TGFBRAP1: variants seen among roughly 807,000 people sequenced by gnomAD.
The protein encoded by TGFBRAP1 is transforming growth factor-beta receptor-associated protein 1.
Under a neutral mutation model 83.2 loss-of-function variants are expected in TGFBRAP1, and 20 were observed. The observed-to-expected ratio is 0.24, with a 90% CI of 0.17 to 0.35. The LOEUF is 0.35. Ranked by LOEUF, TGFBRAP1 falls within the 10% of genes least tolerant of loss-of-function variation. The pLI, the probability that TGFBRAP1 is intolerant of heterozygous loss-of-function variation, is 1.00. For missense variants in TGFBRAP1, 950 were observed against 1,099.4 expected (o/e 0.86, Z 1.92); for synonymous variants, 415 against 459.8 (o/e 0.90, Z 1.25).
the TGFBRAP1 span, among the ~76,000 whole-genome samples, chr2:105,255,253 G>A: frequency 6.6e-6 from 1 of 152,160 alleles, no homozygotes; most frequent in African/African-American, 2.4e-5. Flanking sequence ...AGGACAGACT[G>A]CCCCTCCCAG....
At chr2:105,263,159 A>G (rs1386199092), downstream of TGFBRAP1, among the ~76,000 whole-genome samples, 1 of 152,246 alleles carries the variant, frequency 6.6e-6, no homozygotes, top group African/African-American at 2.4e-5. Context: ...CAATGCAGTT[A>G]GTGTGAATCT....
chr2:105,321,985 C>G (rs1444076441), intron 1 of TGFBRAP1, among the ~76,000 whole-genome samples: 1 of 152,084 alleles, frequency 6.6e-6, no homozygotes, highest in African/African-American at 2.4e-5. Flanking sequence ...AATTGTAAAA[C>G]AGTCCTTCAG....
At chr2:105,282,616 C>T (rs1382700469) in intron 5 of TGFBRAP1, among the ~76,000 whole-genome samples, 19 of 151,936 alleles carry the variant, frequency 1.3e-4, no homozygotes, top group African/African-American at 2.4e-5. Flanking sequence ...CTTGAGGCCA[C>T]GAGTTTGAGA....
At chr2:105,300,862 C>T (rs1357359605) in intron 2 of TGFBRAP1, among the ~76,000 whole-genome samples, 1 of 152,138 alleles carries the variant, frequency 6.6e-6, no homozygotes, top group Non-Finnish European at 1.5e-5. Flanking sequence ...CATTAAAGGC[C>T]ATCATCAGTG....
chr2:105,292,554 T>A (rs1428575505), intron 4 of TGFBRAP1, among the ~76,000 whole-genome samples: 1 of 147,598 alleles, frequency 6.8e-6, no homozygotes, highest in East Asian at 2.0e-4. Flanking sequence ...AACATTCACA[T>A]CAAAAGGCAG....
At chr2:105,293,737 C>T (rs13400763) in intron 4 of TGFBRAP1, among the ~76,000 whole-genome samples, 12,120 of 152,106 alleles carry the variant, frequency 0.08, 831 homozygotes, top group African/African-American at 0.18. Context: ...CTATTTCAAA[C>T]AAAAACCCCG....
chr2:105,304,966 G>A (rs1357860807), intron 2 of TGFBRAP1, among the ~76,000 whole-genome samples: 2 of 152,184 alleles, frequency 1.3e-5, no homozygotes, highest in South Asian at 4.1e-4. Context: ...GGAGCACAAA[G>A]GACTTTTAAG....
intron 1 of TGFBRAP1, among the ~76,000 whole-genome samples, chr2:105,315,405 T>C (rs1447932596): frequency 6.6e-6 from 1 of 152,168 alleles, no homozygotes; most frequent in African/African-American, 2.4e-5. Context: ...ACTACAATAA[T>C]TAAGACATGA....
At chr2:105,300,988 C>A (rs1678269296) in intron 2 of TGFBRAP1, among the ~76,000 whole-genome samples, 1 of 152,076 alleles carries the variant, frequency 6.6e-6, no homozygotes, top group Non-Finnish European at 1.5e-5. Flanking sequence ...CTTTGGGAGG[C>A]CAAGGCAGGC....
At position 105,269,633 on chromosome 2, in the gene TGFBRAP1, G is replaced by C; in HGVS notation, c.2045C>G (p.Ala682Gly). ...CAGCTCGTGCACCAGGATATGCAGC[G>C]CCTTCTCATGCTCGCCCAGCTTCCC... ...LHGKLGEHEK[A>G]LHILVHELQD... Residue 682 changes from alanine to glycine, a missense_variant, in exon 11 of 12, where the codon GCG (alanine) becomes GGG (glycine). Physicochemically the swap from Ala to Gly is moderately conservative, Grantham distance 60. Coordinates refer to ENST00000393359, the MANE Select transcript of TGFBRAP1 (RefSeq NM_004257.6). The surrounding 1 kb of genome is among the most constrained non-coding windows in gnomAD (Gnocchi z 4.1). 1 of 1,598,482 alleles carries C rather than the reference G, an allele frequency of 6.3e-7. No homozygotes were observed. Among genetic ancestry groups the C allele is most frequent in the East Asian group, 2.2e-5 (1 of 44,520 alleles).
downstream of TGFBRAP1, among the ~76,000 whole-genome samples, chr2:105,262,688 G>A (rs116741085): frequency 8.2e-3 from 1,243 of 152,256 alleles, 18 homozygotes; most frequent in African/African-American, 0.028. Flanking sequence ...AGTCATGCTC[G>A]TCCTGTTGAG....
chr2:105,316,954 C>T (rs1042079289), intron 1 of TGFBRAP1, among the ~76,000 whole-genome samples: 2 of 152,100 alleles, frequency 1.3e-5, no homozygotes, highest in Non-Finnish European at 2.9e-5. Flanking sequence ...AGCACGAGGA[C>T]AGACCTAGAG....
At chr2:105,292,561 G>T (rs900057371) in intron 4 of TGFBRAP1, among the ~76,000 whole-genome samples, 2 of 151,510 alleles carry the variant, frequency 1.3e-5, no homozygotes, top group Admixed American at 6.6e-5. Context: ...ACATCAAAAG[G>T]CAGAGAAGAA....
Position 105,296,443 on chromosome 2 carries a change from T to C in TGFBRAP1, c.951A>G (p.Ile317Met). The C allele has an allele frequency of 6.2e-7, 1 of 1,614,164 alleles. No homozygotes were observed. The highest frequency in any genetic ancestry group is 1.1e-5 in the South Asian group (1 of 91,080). The change falls in exon 4 of 12, where the codon ATA becomes ATG. Residue 317 changes from isoleucine to methionine, a missense_variant. Physicochemically the swap from Ile to Met is conservative, Grantham distance 10. Transcript: ENST00000393359. ...ILVPLPLEKQ[I>M]QDLLASRRVE... The stretch of plus-strand genomic sequence containing the variant: ...CTCTGCGGCTTGCTAGAAGATCCTG[T>C]ATTTGTTTTTCCAAAGGTAATGGAA...
downstream of TGFBRAP1, among the ~76,000 whole-genome samples, chr2:105,263,071 TGACA>T (rs1011879286): frequency 1.3e-5 from 2 of 152,226 alleles, no homozygotes; most frequent in Non-Finnish European, 2.9e-5. Flanking sequence ...TTGCTTTCAC[TGACA>T]GACACATTTA....
chr2:105,317,389 A>G (rs1426109928), intron 1 of TGFBRAP1, among the ~76,000 whole-genome samples: 1 of 151,794 alleles, frequency 6.6e-6, no homozygotes, highest in Non-Finnish European at 1.5e-5. Context: ...GTGAGCCAAG[A>G]TCGTGCCACT....
At chr2:105,316,420 A>ACT (rs1678857104) in intron 1 of TGFBRAP1, among the ~76,000 whole-genome samples, 1 of 109,100 alleles carries the variant, frequency 9.2e-6, no homozygotes, top group African/African-American at 3.6e-5. Context: ...AGGTATAGGG[A>ACT]GTGTGTGTGT....
intron 8 of TGFBRAP1, among the ~76,000 whole-genome samples, chr2:105,274,963 TTA>T (rs762362473): frequency 3.3e-5 from 5 of 152,194 alleles, no homozygotes; most frequent in African/African-American, 4.8e-5. Flanking sequence ...CTGTGGGGCT[TTA>T]CTAAGGATAC....
At chr2:105,296,596 C>T (rs1376036105) in intron 3 of TGFBRAP1, 86 bp from the exon 4 acceptor site, 3 of 1,453,366 alleles carry the variant, frequency 2.1e-6, no homozygotes, top group East Asian at 2.3e-5. Context: ...TGGATCATTA[C>T]CTGATTTGTT....
Sources: gnomAD v4.1 joint callset for allele counts (sites outside exome capture counted in the v4.1 genomes callset) on GRCh38, gnomAD v4.1.1 for gene constraint, Gnocchi (gnomAD v3.1) non-coding constraint, MANE v1.5 for transcripts, NCBI Gene and HGNC (gene_info 2026-07-23, HGNC 2026-07-21) for gene names.